ZNF496: variants seen among roughly 807,000 people sequenced by gnomAD.
ZNF496 encodes NSD1 (nuclear receptor binding SET-domain containing 1)-interacting zinc finger protein 1.
A neutral mutation model predicts 58.9 loss-of-function variants in ZNF496; 11 were observed. The ratio of observed to expected loss-of-function variants is 0.19; its 90% CI spans 0.12 to 0.31. The LOEUF is 0.31. Ranked by LOEUF, ZNF496 falls within the 10% of genes least tolerant of loss-of-function variation. The pLI is 1.00. For synonymous variants in ZNF496, 338 were observed against 318.2 expected, an observed-to-expected ratio of 1.06 and a Z score of -0.66; for missense variants, 660 against 783.0, an observed-to-expected ratio of 0.84 and a Z score of 1.88.
At chr1:247,331,244 A>G (rs1008938876) in intron 2 of ZNF496, among the ~76,000 whole-genome samples, 188 bp downstream of exon 2, 3 of 152,174 alleles carry the variant, frequency 2.0e-5, no homozygotes, top group African/African-American at 7.2e-5. Context: ...AACTAACGTG[A>G]GTGAGGCGGA....
At chr1:247,303,539 G>A (rs959658511) in intron 9 of ZNF496, among the ~76,000 whole-genome samples, 1 of 152,176 alleles carries the variant, frequency 6.6e-6, no homozygotes, top group Non-Finnish European at 1.5e-5. Flanking sequence ...AAATACGGAC[G>A]TTATAGGAAA....
At position 247,300,919 on chromosome 1, in the gene ZNF496, T is replaced by C. The variant is rs774175734; in HGVS notation, c.1364A>G (p.Glu455Gly). 78 of 1,613,516 alleles carry C rather than the reference T, an allele frequency of 4.8e-5. No homozygotes were observed. In the African/African-American group the frequency reaches 8.1e-4, roughly 17 times the overall value. ...GTAAGGCTTCTGGGCCTCGTGGCTC[T>C]CTAGGTGCCCATCCAGGTCCTCGCT... ...SDSEDLDGHLESHEAQKPYRC... is the reference protein window; with the variant it reads ...SDSEDLDGHLGSHEAQKPYRC... The change falls in exon 10 of 10, where the codon GAG becomes GGG. Residue 455 changes from glutamate to glycine, a missense_variant. Transcript: ENST00000682384. This position sits in a 1 kb window ranked among gnomAD's most constrained non-coding sequence, Gnocchi z 5.7.
At chr1:247,326,088 A>T (rs1299835694) in intron 5 of ZNF496, among the ~76,000 whole-genome samples, 1 of 147,398 alleles carries the variant, frequency 6.8e-6, no homozygotes, top group African/African-American at 2.5e-5. Flanking sequence ...ACACACATAT[A>T]TACACACACA....
Position 247,328,704 on chromosome 1 carries a change from T to A in ZNF496, c.553A>T (p.Ser185Cys). ...QCLGLPSRPP[S>C]QLSGDPVLQD... Reference sequence around the variant, plus strand: ...ATACCTGGGTCCCCGCTGAGCTGGCTTGGTGGTCTGCTTGGGAGCCCCAGG... The same window carrying A: ...ATACCTGGGTCCCCGCTGAGCTGGCATGGTGGTCTGCTTGGGAGCCCCAGG... Residue 185 changes from serine (S) to cysteine (C), a missense_variant, in exon 5 of 10, where the codon AGC becomes TGC. Coordinates refer to ENST00000682384, the MANE Select transcript of ZNF496 (RefSeq NM_032752.3). The A allele has an allele frequency of 2.4e-5, 39 of 1,600,066 alleles. No homozygotes were observed. The highest frequency in any genetic ancestry group is 3.2e-5 in the Non-Finnish European group (37 of 1,173,254).
chr1:247,323,102 G>T, intron 6 of ZNF496, 52 bp downstream of exon 6: 1 of 1,479,236 alleles, frequency 6.8e-7, no homozygotes, highest in Non-Finnish European at 9.4e-7. Context: ...CTGCCCTGTA[G>T]CCTACAGAGG....
chr1:247,322,652 C>T (rs1424527627), intron 6 of ZNF496: 1 of 1,240,020 alleles, frequency 8.1e-7, no homozygotes, highest in South Asian at 1.3e-5. Context: ...AAGTCTTACA[C>T]AAAAACACGA....
intron 6 of ZNF496, chr1:247,313,594 A>G (rs1558153018): frequency 1.3e-5 from 2 of 152,210 alleles, no homozygotes; most frequent in South Asian, 2.1e-4. Flanking sequence ...TCGCCCCTCA[A>G]TGCAGAGATT....
At position 247,298,861 on chromosome 1, in the gene ZNF496, C is replaced by T. The variant is rs1297493535; in HGVS notation, c.*1658G>A. ...CTTGAGGTTTCACTACCTGCTGTCA[C>T]TCTCAGTCCGGAATCCCAGCAGGAG... On this transcript the variant is annotated 3_prime_UTR_variant, in exon 10 of 10. Coordinates refer to ENST00000682384, the MANE Select transcript of ZNF496 (RefSeq NM_032752.3). 1.3e-5 allele frequency: 2 copies of T among 152,228 alleles called. No individual in the cohort carries two copies. The highest frequency in any genetic ancestry group is 2.4e-5 in the African/African-American group (1 of 41,452). The allele number at this position is 152,228 out of a possible 1,614,324, so 9.4% of individuals were successfully genotyped here. A position where few individuals can be genotyped will look rare whatever the true frequency, so the allele number is the denominator to read the frequency against.
chr1:247,304,057 A>ACTTT (rs1659329202), intron 9 of ZNF496: 1 of 441,880 alleles, frequency 2.3e-6, no homozygotes, highest in Admixed American at 2.6e-5. Context: ...GCCAGCTGGA[A>ACTTT]CTGAAAGGAA....
chr1:247,314,976 C>T (rs569169109), intron 6 of ZNF496, among the ~76,000 whole-genome samples: 2 of 151,442 alleles, frequency 1.3e-5, no homozygotes, highest in Non-Finnish European at 1.5e-5. Flanking sequence ...GTCTTGAGCT[C>T]CTGAGCTCAA....
chr1:247,316,597 C>T (rs887569241), intron 6 of ZNF496, among the ~76,000 whole-genome samples: 1 of 152,080 alleles, frequency 6.6e-6, no homozygotes, highest in Non-Finnish European at 1.5e-5. Flanking sequence ...CAGATGGAGC[C>T]CCTCAACCCG....
chr1:247,301,327 G>A, intron 9 of ZNF496, 51 bp from the exon 10 acceptor site: 5 of 1,485,740 alleles, frequency 3.4e-6, no homozygotes, highest in Non-Finnish European at 3.6e-6. Flanking sequence ...CCACATCCCA[G>A]CCCCTATGAC....
intron 6 of ZNF496, among the ~76,000 whole-genome samples, chr1:247,316,632 G>A (rs918379540): frequency 5.3e-5 from 8 of 152,118 alleles, no homozygotes. Context: ...CCATAAATAT[G>A]AGAAGTCAAT....
Position 247,310,132 on chromosome 1 carries a change from T to C in ZNF496, c.784+192A>G. The C allele has an allele frequency of 2.1e-6, 3 of 1,436,876 alleles. No homozygotes were observed. The South Asian group carries it at 4.6e-5, about 22-fold the overall frequency. 89.0% of individuals were successfully genotyped at this position (1,436,876 alleles called of 1,614,324 possible). A position where few individuals can be genotyped will look rare whatever the true frequency, so the allele number is the denominator to read the frequency against. The stretch of plus-strand genomic sequence containing the variant: ...CCTGATGTGGCGAGACAGCAGGTGA[T>C]GGTCAATCGGACACACTGCCTGTAG... On this transcript the variant is annotated intron_variant, in intron 7 of 9. Transcript: ENST00000682384.
intron 5 of ZNF496, among the ~76,000 whole-genome samples, chr1:247,326,060 A>T (rs1660111580): frequency 9.1e-6 from 1 of 109,550 alleles, no homozygotes; most frequent in Non-Finnish European, 2.0e-5. Context: ...ACACACACAC[A>T]CACATATATA....
intron 6 of ZNF496, among the ~76,000 whole-genome samples, chr1:247,320,113 A>T (rs947578547): frequency 1.3e-5 from 2 of 152,206 alleles, no homozygotes; most frequent in African/African-American, 2.4e-5. Flanking sequence ...TGTACTTACC[A>T]ACGATTGCAT....
intron 9 of ZNF496, among the ~76,000 whole-genome samples, chr1:247,302,246 T>C (rs1327909307): frequency 2.0e-5 from 3 of 151,962 alleles, no homozygotes; most frequent in Admixed American, 2.0e-4. Context: ...GAGCCCTGGC[T>C]AGTCAGAGCA....
rs542220309 is a variant in ZNF496 at position 247,315,759 on chromosome 1, TAAAAAG to T, written c.652-5309_652-5304del. Reference sequence around the variant, plus strand: ...TTAATTCCAAAGAAAAAGTTTAAAATAAAAAGAAAGAGAATACCTCAAAAATTCTAA... The same window carrying T: ...TTAATTCCAAAGAAAAAGTTTAAAATAAAGAGAATACCTCAAAAATTCTAA... On this transcript the variant is annotated intron_variant, in intron 6 of 9. Coordinates refer to ENST00000682384, the MANE Select transcript of ZNF496 (RefSeq NM_032752.3). 2.3e-4 allele frequency among the ~76,000 whole-genome samples: 35 copies of T among 152,286 alleles called. 1 individual carries two copies. Among genetic ancestry groups the T allele is most frequent in the African/African-American group, 7.9e-4 (33 of 41,574 alleles).
At chr1:247,330,978 C>G (rs754986914) in intron 2 of ZNF496, among the ~76,000 whole-genome samples, 195 of 152,254 alleles carry the variant, frequency 1.3e-3, no homozygotes, top group Non-Finnish European at 2.3e-3. Flanking sequence ...CGCATTACAG[C>G]GCTCCCCACC....
Sources: gnomAD v4.1 joint callset for allele counts (sites outside exome capture counted in the v4.1 genomes callset) on GRCh38, gnomAD v4.1.1 for gene constraint, Gnocchi (gnomAD v3.1) non-coding constraint, MANE v1.5 for transcripts, NCBI Gene and HGNC (gene_info 2026-07-23, HGNC 2026-07-21) for gene names.